The following CRK variants were observed in gnomAD, a reference collection of about 807,000 sequenced individuals.
CRK encodes the protein adapter molecule crk.
A neutral mutation model predicts 29.8 loss-of-function variants in CRK; 4 were observed. The observed-to-expected ratio is 0.13, with a 90% confidence interval of 0.07 to 0.31. The LOEUF is 0.31. Among genes scored for constraint, CRK ranks in the 10% least tolerant of loss-of-function variants. The pLI is 1.00. For synonymous variants in CRK, 153 were observed against 164.9 expected (o/e 0.93, Z 0.55); for missense variants, 274 against 396.5 (o/e 0.69, Z 2.62).
intron 2 of CRK, chr17:1,424,516 C>T (rs1279663327): frequency 1.3e-5 from 2 of 152,244 alleles, no homozygotes; most frequent in Non-Finnish European, 2.9e-5. Flanking sequence ...CACCTCCTGA[C>T]CCAGGCAAGC....
At chr17:1,448,652 G>A (rs2073994411) in intron 1 of CRK, among the ~76,000 whole-genome samples, 1 of 138,018 alleles carries the variant, frequency 7.2e-6, no homozygotes, top group Admixed American at 7.4e-5. Context: ...AGAAAAAGTG[G>A]CTCGTACATT....
Position 1,455,860 on chromosome 17 carries a change from T to C in CRK, c.241+17A>G. 1.3e-6 allele frequency: 2 copies of C among 1,546,490 alleles called. No individual in the cohort carries two copies. The highest frequency in any genetic ancestry group is 1.9e-5 in the Admixed American group (1 of 51,772). The stretch of plus-strand genomic sequence containing the variant: ...CCCTCACCCCGCCCAGGGCCCGCCG[T>C]CCCGTCAGTCCCTCACCGGGCGGAG... On this transcript the variant is annotated intron_variant, in intron 1 of 2. Transcript: ENST00000300574.
chr17:1,426,299 G>A lies in CRK; in HGVS notation c.778-2649C>T, dbSNP rs148408593. 928 of 152,698 alleles carry A rather than the reference G, an allele frequency of 6.1e-3. 7 individuals are homozygous for A. The highest frequency in any genetic ancestry group is 9.4e-3 in the Non-Finnish European group (641 of 68,262). 9.5% of individuals were successfully genotyped at this position (152,698 alleles called of 1,614,324 possible). A position where few individuals can be genotyped will look rare whatever the true frequency, so the allele number is the denominator to read the frequency against. On this transcript the variant is annotated intron_variant, in intron 2 of 2. Transcript: ENST00000300574. ...CCCAGCCTGTGTCGTGACGATGCCA[G>A]CTGAGCACAAGTGTGGAGGAAGGGG...
intron 2 of CRK, among the ~76,000 whole-genome samples, chr17:1,431,526 CCTGG>C (rs10560197): frequency 0.014 from 2,098 of 152,086 alleles, 44 homozygotes; most frequent in African/African-American, 0.047. Flanking sequence ...TCGAGACCAT[CCTGG>C]CTAACACAGT....
intron 2 of CRK, among the ~76,000 whole-genome samples, chr17:1,432,428 G>C (rs180953024): frequency 1.4e-5 from 2 of 139,038 alleles, no homozygotes; most frequent in African/African-American, 5.5e-5. Flanking sequence ...GGCAGAGTGA[G>C]ATCACGCCAC....
At chr17:1,426,809 C>T (rs1022152113) in intron 2 of CRK, among the ~76,000 whole-genome samples, 13 of 151,788 alleles carry the variant, frequency 8.6e-5, no homozygotes, top group Non-Finnish European at 1.8e-4. Flanking sequence ...TTGCAGTGAG[C>T]CGAGACTGTG....
chr17:1,451,735 A>C (rs1319510464), intron 1 of CRK, among the ~76,000 whole-genome samples: 11 of 151,528 alleles, frequency 7.3e-5, no homozygotes, highest in African/African-American at 1.9e-4. Flanking sequence ...AAAACAAAAA[A>C]CACAAGGCCG....
At chr17:1,442,839 T>G (rs1285034070) in intron 1 of CRK, among the ~76,000 whole-genome samples, 1 of 151,950 alleles carries the variant, frequency 6.6e-6, no homozygotes, top group East Asian at 1.9e-4. Context: ...ACTCCTGACC[T>G]CAAGTGATCT....
At chr17:1,435,560 G>A (rs984663909) in intron 2 of CRK, among the ~76,000 whole-genome samples, 4 of 152,140 alleles carry the variant, frequency 2.6e-5, no homozygotes, top group Non-Finnish European at 1.5e-5. Flanking sequence ...AGGAAGACCT[G>A]AGGGTAGAAA....
At chr17:1,435,406 A>G (rs1413415481) in intron 2 of CRK, among the ~76,000 whole-genome samples, 1 of 152,040 alleles carries the variant, frequency 6.6e-6, no homozygotes, top group East Asian at 1.9e-4. Context: ...TCTGTAATAA[A>G]TGTCAAGAGT....
At chr17:1,434,809 A>AAT (rs34959105) in intron 2 of CRK, among the ~76,000 whole-genome samples, 3 of 150,890 alleles carry the variant, frequency 2.0e-5, no homozygotes, top group African/African-American at 7.3e-5. Flanking sequence ...AAAAAAAAAA[A>AAT]TCCAAAAAAA....
intron 2 of CRK, among the ~76,000 whole-genome samples, chr17:1,429,793 T>A (rs1279260920): frequency 2.0e-5 from 3 of 151,882 alleles, no homozygotes; most frequent in Middle Eastern, 3.4e-3. Flanking sequence ...ATTAGCCAGG[T>A]ACAGTGGAAT....
intron 2 of CRK, 40 bp downstream of exon 2, chr17:1,436,580 G>A: frequency 1.3e-6 from 2 of 1,552,968 alleles, no homozygotes; most frequent in East Asian, 2.3e-5. Context: ...AGGAGACCCT[G>A]CAGCAGATCT....
chr17:1,449,834 C>A (rs2074003870), intron 1 of CRK, among the ~76,000 whole-genome samples: 1 of 152,134 alleles, frequency 6.6e-6, no homozygotes, highest in Non-Finnish European at 1.5e-5. Context: ...GCTGAGGACC[C>A]AAGACAAGTT....
intron 1 of CRK, among the ~76,000 whole-genome samples, chr17:1,451,405 ATTT>A (rs937603480): frequency 7.3e-5 from 11 of 151,266 alleles, no homozygotes; most frequent in Non-Finnish European, 1.5e-4. Context: ...TAATTTTTGT[ATTT>A]TTTAGTAGAA....
At chr17:1,447,919 CTTTTCCCTT>C (rs1299075919) in intron 1 of CRK, among the ~76,000 whole-genome samples, 4 of 152,090 alleles carry the variant, frequency 2.6e-5, no homozygotes, top group African/African-American at 7.2e-5. Flanking sequence ...ACCCGGCCCT[CTTTTCCCTT>C]TTTTCCTCAA....
chr17:1,439,370 T>G (rs2073917153), intron 1 of CRK, among the ~76,000 whole-genome samples: 1 of 152,130 alleles, frequency 6.6e-6, no homozygotes. Context: ...GTGCTGGGAT[T>G]GATTACAGGT....
At chr17:1,454,271 T>C (rs971089370) in intron 1 of CRK, among the ~76,000 whole-genome samples, 1 of 152,114 alleles carries the variant, frequency 6.6e-6, no homozygotes, top group African/African-American at 2.4e-5. Flanking sequence ...CCAGGCGCGG[T>C]GGCTCTTGCC....
Position 1,455,900 on chromosome 17 carries a change from G to C in CRK, c.218C>G (p.Pro73Arg), listed in dbSNP as rs2074052866. The change falls in exon 1 of 3, where the codon CCG (proline) becomes CGG (arginine). Residue 73 changes from proline (P) to arginine (R), a missense_variant. Coordinates refer to ENST00000300574, the MANE Select transcript of CRK (RefSeq NM_016823.4). Reference protein sequence around the residue: ...NSSGPRPPVPPSPAQPPPGVS... With the variant: ...NSSGPRPPVPRSPAQPPPGVS... ...ACCGGGCGGAGGCTGGGCGGGCGAC[G>C]GTGGCACCGGCGGGCGCGGGCCGCT... 3.8e-6 allele frequency: 6 copies of C among 1,590,004 alleles called. No homozygotes were observed. Among genetic ancestry groups the C allele is most frequent in the South Asian group, 1.1e-5 (1 of 88,654 alleles).
Sources: allele counts gnomAD v4.1 joint callset (sites outside exome capture counted in the v4.1 genomes callset), GRCh38; gene constraint gnomAD v4.1.1; transcripts MANE v1.5; gene names NCBI Gene and HGNC (gene_info 2026-07-23, HGNC 2026-07-21).